Variants in GBP7 observed in about 807,000 individuals in gnomAD.
GBP7 encodes guanylate-binding protein 7.
GBP7 carries 43 observed loss-of-function variants against 61.3 expected under a neutral mutation model. That is an observed-to-expected ratio of 0.70 (90% CI 0.55 to 0.91). The LOEUF (loss-of-function observed/expected upper bound fraction) is 0.91. Among genes scored for constraint, GBP7 ranks in the 40% least tolerant of loss-of-function variants. GBP7 has a pLI of 0.00. For missense variants in GBP7, 717 were observed against 740.5 expected (o/e 0.97, Z 0.37); for synonymous variants, 267 against 271.0 (o/e 0.99, Z 0.14).
chr1:89,148,172 CTT>C (rs1370661461), intron 7 of GBP7, among the ~76,000 whole-genome samples: 2 of 152,212 alleles, frequency 1.3e-5, no homozygotes, highest in Non-Finnish European at 2.9e-5. Flanking sequence ...GCTTGGAACT[CTT>C]TTGAAATTCT....
At chr1:89,169,228 T>C (rs907345709) in intron 2 of GBP7, among the ~76,000 whole-genome samples, 4 of 152,220 alleles carry the variant, frequency 2.6e-5, no homozygotes, top group African/African-American at 4.8e-5. Context: ...TGAAAAACCC[T>C]GTGACCTTTG....
intron 3 of GBP7, among the ~76,000 whole-genome samples, chr1:89,162,192 G>A (rs1405812170): frequency 6.6e-6 from 1 of 152,136 alleles, no homozygotes; most frequent in Non-Finnish European, 1.5e-5. Context: ...AGTATAGTTT[G>A]ATGTCGAGTA....
chr1:89,155,493 A>G (rs1321603614), intron 3 of GBP7, among the ~76,000 whole-genome samples: 1 of 152,230 alleles, frequency 6.6e-6, no homozygotes, highest in African/African-American at 2.4e-5. Context: ...TAGAATAAAC[A>G]GCATAGAGAA....
intron 5 of GBP7, 46 bp downstream of exon 5, chr1:89,152,221 TC>T: frequency 6.4e-7 from 1 of 1,562,382 alleles, no homozygotes; most frequent in Non-Finnish European, 8.8e-7. Flanking sequence ...TCCTAGTTGA[TC>T]CCACCCGCTA....
intron 1 of GBP7, among the ~76,000 whole-genome samples, chr1:89,172,578 G>A (rs1012260641): frequency 6.6e-6 from 1 of 151,950 alleles, no homozygotes; most frequent in South Asian, 2.1e-4. Context: ...TCAGTGTCTT[G>A]TATTAAGGGA....
At chr1:89,168,892 C>G (rs935713718) in intron 2 of GBP7, among the ~76,000 whole-genome samples, 1 of 151,992 alleles carries the variant, frequency 6.6e-6, no homozygotes, top group Non-Finnish European at 1.5e-5. Context: ...TCGCTTGAAC[C>G]CGGGAGGCGG....
intron 9 of GBP7, among the ~76,000 whole-genome samples, chr1:89,137,295 T>C (rs1037186374): frequency 2.6e-5 from 4 of 152,004 alleles, no homozygotes; most frequent in Non-Finnish European, 5.9e-5. Context: ...TCTTTCCTAA[T>C]ACATTCTATG....
At chr1:89,159,193 C>A (rs934147334) in intron 3 of GBP7, among the ~76,000 whole-genome samples, 2 of 152,128 alleles carry the variant, frequency 1.3e-5, no homozygotes. Flanking sequence ...CTTCCTTACA[C>A]CTTATAAAAA....
At position 89,133,455 on chromosome 1, in the gene GBP7, T is replaced by G; in HGVS notation, c.1469-4A>C. 1 of 1,613,214 alleles carries G rather than the reference T, an allele frequency of 6.2e-7. No individual in the cohort carries two copies. Among genetic ancestry groups the G allele is most frequent in the Non-Finnish European group, 8.5e-7 (1 of 1,179,628 alleles). On this transcript the variant is annotated splice_polypyrimidine_tract_variant and splice_region_variant and intron_variant, in intron 9 of 10. Coordinates refer to ENST00000294671, the MANE Select transcript of GBP7 (RefSeq NM_207398.3). Reference sequence around the variant, plus strand: ...GCCTCCTTCTTAGCCTGCTTAGCTGTTCCACCGAGGTTTTACAGAGGGAAG... The same window carrying G: ...GCCTCCTTCTTAGCCTGCTTAGCTGGTCCACCGAGGTTTTACAGAGGGAAG...
In GBP7 at chr1:89,164,768, A is replaced by C; in HGVS notation, c.281T>G (p.Ile94Ser). 2 of 1,613,968 alleles carry C rather than the reference A, an allele frequency of 1.2e-6. No individual in the cohort carries two copies. Among genetic ancestry groups the C allele is most frequent in the Non-Finnish European group, 1.7e-6 (2 of 1,179,914 alleles). ...ACCCAGGCCCTCCGTGTCCAGAAGG[A>C]TCAGGGTGTGGTTTGGCTTGGAGGG... ...PHPSKPNHTL[I>S]LLDTEGLGDM... The change falls in exon 3 of 11, where the codon ATC (isoleucine) becomes AGC (serine). Residue 94 changes from isoleucine (I) to serine (S), a missense_variant. Physicochemically the swap from Ile to Ser is moderately radical, Grantham distance 142. Around this residue, in one of 3 missense-constraint regions of GBP7, gnomAD observed 387 missense variants for 385.2 expected, o/e 1.00. Transcript: ENST00000294671.
Position 89,133,500 on chromosome 1 carries a change from A to G in GBP7, c.1469-49T>C, listed in dbSNP as rs879253695. 4 of 1,514,554 alleles carry G rather than the reference A, an allele frequency of 2.6e-6. No individual in the cohort carries two copies. The South Asian group carries it at 3.4e-5, about 13-fold the overall frequency. 93.8% of individuals were successfully genotyped at this position (1,514,554 alleles called of 1,614,324 possible). ...GGGAAGAAAATAACAGTCAGGTGGG[A>G]GAAGAACCATCATGGCTAAGTAGAT... On this transcript the variant is annotated intron_variant, in intron 9 of 10. Coordinates refer to ENST00000294671, the MANE Select transcript of GBP7 (RefSeq NM_207398.3).
chr1:89,164,742 C>A lies in GBP7; in HGVS notation c.307G>T (p.Asp103Tyr). The A allele has an allele frequency of 6.2e-7, 1 of 1,613,750 alleles. No homozygotes were observed. Among genetic ancestry groups the A allele is most frequent in the South Asian group, 1.1e-5 (1 of 91,062 alleles). ...TGTCTCTTTCTTACCTTTTCCATAT[C>A]ACCCAGGCCCTCCGTGTCCAGAAGG... ...LILLDTEGLG[D>Y]MEKSDPKSDS... The change falls in exon 3 of 11, where the codon GAT (aspartate) becomes TAT (tyrosine). Residue 103 changes from aspartate (D) to tyrosine (Y), a missense_variant. Coordinates refer to ENST00000294671, the MANE Select transcript of GBP7 (RefSeq NM_207398.3).
intron 3 of GBP7, among the ~76,000 whole-genome samples, chr1:89,164,057 A>G (rs924858238): frequency 6.6e-6 from 1 of 151,976 alleles, no homozygotes; most frequent in Non-Finnish European, 1.5e-5. Context: ...TTCAGTAGAG[A>G]TGGGGTTTCA....
At chr1:89,164,688 G>A in intron 3 of GBP7, 43 bp downstream of exon 3, 1 of 1,595,210 alleles carries the variant, frequency 6.3e-7, no homozygotes, top group South Asian at 1.1e-5. Context: ...AACATAAATA[G>A]AGAATCAAAG....
At chr1:89,134,796 T>C (rs1340385915) in intron 9 of GBP7, among the ~76,000 whole-genome samples, 1 of 152,182 alleles carries the variant, frequency 6.6e-6, no homozygotes, top group Non-Finnish European at 1.5e-5. Context: ...AGAGTGTCTC[T>C]TACCTCCAAA....
rs1326145564 is a variant in GBP7 at position 89,150,497 on chromosome 1, AC to A, written c.703del (p.Val235SerfsTer6). The A allele has an allele frequency of 6.0e-5, 97 of 1,613,928 alleles. No individual in the cohort carries two copies. Among genetic ancestry groups the A allele is most frequent in the Non-Finnish European group, 7.1e-5 (84 of 1,179,942 alleles). On this transcript the variant is annotated frameshift_variant, in exon 6 of 11. Transcript: ENST00000294671. LOFTEE classifies it high-confidence loss of function. Reference protein sequence around the residue: ...RHFFPKQKCFVFDRPINDKKL... With the variant: ...RHFFPKQKCFXFDRPINDKKL... ...TTTGTCATTTATTGGCCGGTCAAAG[AC>A]AAAGCACTTCTGTTTTGGAAAGAAA...
At chr1:89,175,518 T>A (rs966475845) in intron 1 of GBP7, among the ~76,000 whole-genome samples, 5 of 152,198 alleles carry the variant, frequency 3.3e-5, no homozygotes, top group African/African-American at 1.2e-4. Flanking sequence ...ACAAAGATGT[T>A]ATAAGGTCCT....
At position 89,140,539 on chromosome 1, in the gene GBP7, A is replaced by C. The variant is rs367702409; in HGVS notation, c.1468+1007T>G. 3.7e-4 allele frequency among the ~76,000 whole-genome samples: 56 copies of C among 151,824 alleles called. 6 individuals carry two copies. Among genetic ancestry groups the C allele is most frequent in the Admixed American group, 9.2e-4 (14 of 15,266 alleles). ...GTCAGAATGGCTGTTACTAAAAAGT[A>C]AAAAAATAACAGATGCTGGCAAGGT... On this transcript the variant is annotated intron_variant, in intron 9 of 10. Coordinates refer to ENST00000294671, the MANE Select transcript of GBP7 (RefSeq NM_207398.3).
At chr1:89,132,748 T>C (rs1187738001) in intron 10 of GBP7, among the ~76,000 whole-genome samples, 3 of 152,228 alleles carry the variant, frequency 2.0e-5, no homozygotes, top group Admixed American at 1.3e-4. Context: ...TGGGGACTGC[T>C]GACCCTGTAT....
Sources: gnomAD v4.1 joint callset for allele counts (sites outside exome capture counted in the v4.1 genomes callset) on GRCh38, gnomAD v4.1.1 for gene constraint, gnomAD v4.1.1 regional missense constraint, MANE v1.5 for transcripts, NCBI Gene and HGNC (gene_info 2026-07-23, HGNC 2026-07-21) for gene names.